RBFOX1: variants seen among roughly 807,000 people sequenced by gnomAD.
RBFOX1 encodes RNA binding protein fox-1 homolog 1.
A neutral mutation model predicts 57.7 loss-of-function variants in RBFOX1; 8 were observed. The ratio of observed to expected loss-of-function variants is 0.14; its 90% CI spans 0.08 to 0.25. The LOEUF is 0.25. RBFOX1 is among the 10% of genes least tolerant of loss of function. The probability of loss-of-function intolerance (pLI) is 1.00; values close to 1 mark genes in which losing one functional copy is unlikely to be tolerated. For synonymous variants in RBFOX1, 326 were observed against 222.4 expected, an observed-to-expected ratio of 1.47 and a Z score of -4.15; for missense variants, 611 against 548.5, an observed-to-expected ratio of 1.11 and a Z score of -1.14.
chr16:6,661,680 C>T (rs1293265730), intron 3 of RBFOX1, among the ~76,000 whole-genome samples: 2 of 152,184 alleles, frequency 1.3e-5, no homozygotes, highest in Admixed American at 6.5e-5. Flanking sequence ...GGAAGCTGAA[C>T]ACTTTGATTC....
intron 3 of RBFOX1, among the ~76,000 whole-genome samples, chr16:6,785,193 A>C (rs1833292999): frequency 6.6e-6 from 1 of 152,206 alleles, no homozygotes; most frequent in Admixed American, 6.5e-5. Context: ...CTCTGGAGAA[A>C]AAAAATGACA....
chr16:5,370,976 T>C (rs1368019419), intron 1 of RBFOX1, among the ~76,000 whole-genome samples: 2 of 152,214 alleles, frequency 1.3e-5, no homozygotes, highest in African/African-American at 4.8e-5. Flanking sequence ...TTAGATGGAT[T>C]GTTGCTCTTT....
chr16:6,227,737 C>T (rs953440444), intron 1 of RBFOX1, among the ~76,000 whole-genome samples: 1 of 152,164 alleles, frequency 6.6e-6, no homozygotes, highest in Non-Finnish European at 1.5e-5. Flanking sequence ...CTCTATAGGG[C>T]CAACCTCCAA....
intron 4 of RBFOX1, among the ~76,000 whole-genome samples, chr16:7,331,377 C>G (rs1387223022): frequency 6.6e-6 from 1 of 152,080 alleles, no homozygotes; most frequent in African/African-American, 2.4e-5. Context: ...ATTCCTGGGA[C>G]TTGGGCATTA....
At chr16:6,320,680 A>G (rs2081662801) in intron 2 of RBFOX1, among the ~76,000 whole-genome samples, 1 of 152,176 alleles carries the variant, frequency 6.6e-6, no homozygotes, top group African/African-American at 2.4e-5. Context: ...CAATATGGTT[A>G]CCAGCAGCCA....
chr16:6,513,695 T>G (rs1598612573), intron 2 of RBFOX1, among the ~76,000 whole-genome samples: 1 of 151,972 alleles, frequency 6.6e-6, no homozygotes, highest in South Asian at 2.1e-4. Flanking sequence ...AATCGCACCA[T>G]TGCACTCCAG....
At chr16:6,074,529 T>G (rs1457693291) in intron 1 of RBFOX1, among the ~76,000 whole-genome samples, 2 of 152,158 alleles carry the variant, frequency 1.3e-5, no homozygotes, top group Non-Finnish European at 2.9e-5. Flanking sequence ...CTATGATGCT[T>G]GTTAAAGACA....
Position 5,403,444 on chromosome 16 carries a change from T to C in RBFOX1, c.220-63772T>C, listed in dbSNP as rs937422647. ...TGCTTGTAATATGCTCTGATGTTTC[T>C]GTTTCTGTTTGTTTTTTGAGACGGA... On this transcript the variant is annotated intron_variant, in intron 1 of 2. Coordinates refer to the RBFOX1 transcript ENST00000585867. 5.3e-5 allele frequency among the ~76,000 whole-genome samples: 8 copies of C among 151,948 alleles called. 1 individual carries two copies. The highest frequency in any genetic ancestry group is 4.6e-4 in the Admixed American group (7 of 15,266).
chr16:7,262,729 G>T (rs2094966453), intron 4 of RBFOX1, among the ~76,000 whole-genome samples: 1 of 152,278 alleles, frequency 6.6e-6, no homozygotes. Flanking sequence ...CAAGGAGAGG[G>T]CATCATGCCC....
intron 3 of RBFOX1, among the ~76,000 whole-genome samples, chr16:6,698,490 G>T (rs962012351): frequency 6.6e-6 from 1 of 152,038 alleles, no homozygotes; most frequent in African/African-American, 2.4e-5. Context: ...TCCTGGGCTG[G>T]GCCCTGTCTT....
At chr16:7,120,471 A>G (rs1306991470) in intron 4 of RBFOX1, among the ~76,000 whole-genome samples, 2 of 152,160 alleles carry the variant, frequency 1.3e-5, no homozygotes, top group East Asian at 3.9e-4. Flanking sequence ...CAAACATCAC[A>G]TAAATTAAAA....
At chr16:6,879,690 G>A (rs187143489) in intron 3 of RBFOX1, among the ~76,000 whole-genome samples, 7 of 152,268 alleles carry the variant, frequency 4.6e-5, no homozygotes, top group African/African-American at 1.7e-4. Flanking sequence ...GTACGTCTCT[G>A]TTTAATTGTA....
chr16:7,242,541 C>G (rs999047325), intron 4 of RBFOX1, among the ~76,000 whole-genome samples: 1 of 152,204 alleles, frequency 6.6e-6, no homozygotes, highest in Non-Finnish European at 1.5e-5. Flanking sequence ...ATGGAATGGT[C>G]TGGAACACGT....
At chr16:6,686,076 C>T (rs528292455) in intron 3 of RBFOX1, among the ~76,000 whole-genome samples, 2 of 152,260 alleles carry the variant, frequency 1.3e-5, no homozygotes, top group South Asian at 2.1e-4. Flanking sequence ...CAGCGCTGTG[C>T]TCAGCACTGC....
chr16:5,853,193 G>C (rs1250804166), intron 3 of RBFOX1, among the ~76,000 whole-genome samples: 2 of 152,024 alleles, frequency 1.3e-5, no homozygotes, highest in South Asian at 4.1e-4. Flanking sequence ...GTGAAGTTTG[G>C]AGCCTCAGCC....
chr16:7,146,514 G>A (rs1412448971), intron 4 of RBFOX1, among the ~76,000 whole-genome samples: 1 of 152,148 alleles, frequency 6.6e-6, no homozygotes, highest in African/African-American at 2.4e-5. Context: ...GAGCTAGGAT[G>A]CATAGGCCAT....
chr16:6,601,309 C>G (rs1445546627), intron 2 of RBFOX1, among the ~76,000 whole-genome samples: 1 of 152,152 alleles, frequency 6.6e-6, no homozygotes, highest in Non-Finnish European at 1.5e-5. Flanking sequence ...GCTTCTTACA[C>G]TCTCCCCTCT....
At chr16:7,274,471 C>G (rs969579334) in intron 4 of RBFOX1, among the ~76,000 whole-genome samples, 2 of 152,068 alleles carry the variant, frequency 1.3e-5, no homozygotes, top group Admixed American at 6.6e-5. Flanking sequence ...AAGTCAGTTT[C>G]CTTCTTAGCT....
chr16:6,642,052 C>T (rs2098495759), intron 2 of RBFOX1, among the ~76,000 whole-genome samples: 1 of 152,146 alleles, frequency 6.6e-6, no homozygotes, highest in Admixed American at 6.5e-5. Flanking sequence ...AAACAGTTTG[C>T]ATGCTGTCTG....
Sources: gnomAD v4.1 joint callset for allele counts (sites outside exome capture counted in the v4.1 genomes callset) on GRCh38, gnomAD v4.1.1 for gene constraint, MANE v1.5 for transcripts, NCBI Gene and HGNC (gene_info 2026-07-23, HGNC 2026-07-21) for gene names.